The following TPM4 variants were observed in gnomAD, a reference collection of about 807,000 sequenced individuals.
The protein encoded by TPM4 is tropomyosin 4.
In TPM4, 17 loss-of-function variants were observed where a neutral mutation model predicts 35.8. The ratio of observed to expected loss-of-function variants is 0.47; its 90% CI spans 0.32 to 0.71. The LOEUF (loss-of-function observed/expected upper bound fraction) is 0.71, where lower values mean the gene tolerates loss of function less well. Among genes scored for constraint, TPM4 ranks in the 30% least tolerant of loss-of-function variants. TPM4 has a pLI of 0.03. For missense variants in TPM4, 240 were observed against 320.9 expected, an observed-to-expected ratio of 0.75 and a Z score of 1.93; for synonymous variants, 120 against 122.9, an observed-to-expected ratio of 0.98 and a Z score of 0.15.
rs2090769932 is a variant in TPM4 at position 16,102,216 on chromosome 19, GTAGTCCCAGC to G, written c.*873_*882del. On this transcript the variant is annotated 3_prime_UTR_variant, in exon 8 of 8. Coordinates refer to ENST00000643579, the MANE Select transcript of TPM4 (RefSeq NM_003290.3). ...ACAAAAATTATGGTGACGCCTGCCTGTAGTCCCAGCTACTCGGGAGGCTGAGGCAGGAGGA... is the reference window on the plus strand; with the variant it reads ...ACAAAAATTATGGTGACGCCTGCCTGTACTCGGGAGGCTGAGGCAGGAGGA... The G allele has an allele frequency of 5.3e-6, 1 of 186,980 alleles. No individual in the cohort carries two copies. The highest frequency in any genetic ancestry group is 6.2e-5 in the Admixed American group (1 of 16,138). 11.6% of individuals were successfully genotyped at this position (186,980 alleles called of 1,614,324 possible). A position where few individuals can be genotyped will look rare whatever the true frequency, so the allele number is the denominator to read the frequency against.
Position 16,096,936 on chromosome 19 carries a change from CTTTTTTTT to C in TPM4, c.664+3210_664+3217del, listed in dbSNP as rs71178641. ...GGAATATGGAGAAAACAAGGTCACT[CTTTTTTTT>C]TTTTTTTTTTTTTTTTTTTTTTTTT... On this transcript the variant is annotated intron_variant, in intron 7 of 7. Transcript: ENST00000643579. Among the ~76,000 whole-genome samples, 210 of 69,018 alleles carry C rather than the reference CTTTTTTTT, an allele frequency of 3.0e-3. 1 individual carries two copies. The highest frequency in any genetic ancestry group is 6.7e-3 in the East Asian group (19 of 2,838). 45.3% of individuals were successfully genotyped at this position (69,018 alleles called of 152,430 possible). A position where few individuals can be genotyped will look rare whatever the true frequency, so the allele number is the denominator to read the frequency against.
At chr19:16,083,172 C>T (rs1001939593) in intron 2 of TPM4, among the ~76,000 whole-genome samples, 4 of 151,898 alleles carry the variant, frequency 2.6e-5, no homozygotes, top group Non-Finnish European at 4.4e-5. Context: ...CACCAGGTGC[C>T]GTGGCTCACG....
At position 16,101,244 on chromosome 19, in the gene TPM4, A is replaced by AT; in HGVS notation, c.665-19dup. The AT allele has an allele frequency of 1.7e-5, 27 of 1,555,328 alleles. No homozygotes were observed. The highest frequency in any genetic ancestry group is 2.3e-5 in the Non-Finnish European group (27 of 1,153,062). On this transcript the variant is annotated intron_variant, in intron 7 of 7. Coordinates refer to ENST00000643579, the MANE Select transcript of TPM4 (RefSeq NM_003290.3). ...GACGCTTATTAATTTATCTTTCCCC[A>AT]TACTCTTAATCCTCACCAGAGAAAC...
chr19:16,076,721 C>G (rs971508363), intron 1 of TPM4, 24 bp downstream of exon 1: 40 of 1,315,938 alleles, frequency 3.0e-5, no homozygotes, highest in Non-Finnish European at 3.9e-5. Flanking sequence ...CCTCGGGCCC[C>G]GCACCCGCAG....
rs558304205 is a variant in TPM4, at chr19:16,091,286, A to G, written c.531+2166A>G. ...AGGCTCGTCTCAAACTCCTGACCTC[A>G]AGTGATCCACCCACCTCGGCCTCCC... is the stretch of plus-strand genomic sequence containing the variant. On this transcript the variant is annotated intron_variant, in intron 5 of 7. Coordinates refer to ENST00000643579, the MANE Select transcript of TPM4 (RefSeq NM_003290.3). Among the ~76,000 whole-genome samples, 27 of 152,088 alleles carry G rather than the reference A, an allele frequency of 1.8e-4. 1 individual carries two copies. In the South Asian group the frequency reaches 5.4e-3, roughly 30 times the overall value.
chr19:16,080,333 A>G (rs1432045842), intron 1 of TPM4: 1 of 207,464 alleles, frequency 4.8e-6, no homozygotes, highest in Non-Finnish European at 9.8e-6. Context: ...GTGAGGATGA[A>G]ATTGCAGTAA....
intron 7 of TPM4, chr19:16,095,731 A>G (rs1285715372): frequency 8.7e-6 from 3 of 345,800 alleles, no homozygotes; most frequent in Non-Finnish European, 1.2e-5. Context: ...AGCTAACGGC[A>G]TCTGCATGCC....
At chr19:16,081,075 G>C in intron 1 of TPM4, 1 of 398,498 alleles carries the variant, frequency 2.5e-6, no homozygotes, top group Non-Finnish European at 4.4e-6. Flanking sequence ...GTCCCACCTT[G>C]GTAATTGCAT....
intron 7 of TPM4, among the ~76,000 whole-genome samples, chr19:16,097,223 G>A (rs2090711886): frequency 6.6e-6 from 1 of 151,210 alleles, no homozygotes; most frequent in African/African-American, 2.4e-5. Flanking sequence ...AAAAATGCTG[G>A]GATTACAGGC....
At chr19:16,095,688 C>T (rs2144959282) in intron 7 of TPM4, 1 of 688,200 alleles carries the variant, frequency 1.5e-6, no homozygotes, top group African/African-American at 1.9e-5. Flanking sequence ...AAAACAAAAG[C>T]AAACTGGGCA....
chr19:16,102,099 C>T lies in TPM4; in HGVS notation c.*753C>T, dbSNP rs146864170. The T allele has an allele frequency of 1.2e-4, 24 of 198,722 alleles. No homozygotes were observed. The highest frequency in any genetic ancestry group is 5.5e-4 in the African/African-American group (24 of 43,478). The allele number at this position is 198,722 out of a possible 1,614,324, so 12.3% of individuals were successfully genotyped here. ...GGAGCGTTGGCTTTCGCCTGTAATCCCAACACTTTGGGAGGCCAGGACAGA... is the reference window on the plus strand; with the variant it reads ...GGAGCGTTGGCTTTCGCCTGTAATCTCAACACTTTGGGAGGCCAGGACAGA... On this transcript the variant is annotated 3_prime_UTR_variant, in exon 8 of 8. Transcript: ENST00000643579.
chr19:16,093,757 T>C lies in TPM4; in HGVS notation c.664+4T>C, dbSNP rs2090657366. The C allele has an allele frequency of 1.2e-6, 2 of 1,613,140 alleles. No individual in the cohort carries two copies. The highest frequency in any genetic ancestry group is 1.7e-6 in the Non-Finnish European group (2 of 1,180,000). ...AAGACAATTGATGACCTGGAAGGTA[T>C]GAGGTTACCATCTAAATGTTTGCCT... On this transcript the variant is annotated splice_donor_region_variant and intron_variant, in intron 7 of 7. Transcript: ENST00000643579.
At chr19:16,081,059 C>T (rs1187350778) in intron 1 of TPM4, 3 of 398,606 alleles carry the variant, frequency 7.5e-6, no homozygotes, top group African/African-American at 2.1e-5. Context: ...GAGGCTCCCC[C>T]GCCTCGTCCC....
intron 7 of TPM4, among the ~76,000 whole-genome samples, chr19:16,098,387 C>G (rs76498125): frequency 0.07 from 10,650 of 152,068 alleles, 458 homozygotes; most frequent in Middle Eastern, 0.095. Flanking sequence ...GCGGAGCTTG[C>G]TGTGAGCCAA....
chr19:16,087,715 G>C (rs535291420), intron 3 of TPM4, among the ~76,000 whole-genome samples: 1 of 151,572 alleles, frequency 6.6e-6, no homozygotes, highest in African/African-American at 2.4e-5. Flanking sequence ...ACCCCATCTC[G>C]ACTGAAAATA....
chr19:16,080,808 C>CAA, intron 1 of TPM4: 4 of 342,980 alleles, frequency 1.2e-5, no homozygotes, highest in Non-Finnish European at 1.0e-5. Context: ...GACTCCATCT[C>CAA]AAAAAAAAAA....
At chr19:16,079,559 G>C (rs531186201) in intron 1 of TPM4, among the ~76,000 whole-genome samples, 1 of 152,268 alleles carries the variant, frequency 6.6e-6, no homozygotes, top group African/African-American at 2.4e-5. Context: ...AACACCTGTG[G>C]GAGTGCCCTC....
intron 3 of TPM4, 40 bp from the exon 4 acceptor site, chr19:16,087,987 G>C: frequency 6.3e-7 from 1 of 1,587,440 alleles, no homozygotes; most frequent in South Asian, 1.1e-5. Context: ...GGACACGGCT[G>C]GTGGGGATCG....
At chr19:16,069,436 AATGAGTGTGTGT>A (rs2090331071) in intron 2 of TPM4, among the ~76,000 whole-genome samples, 3 of 17,474 alleles carry the variant, frequency 1.7e-4, no homozygotes, top group African/African-American at 5.1e-4. Flanking sequence ...TATGTGTGTG[AATGAGTGTGTGT>A]TTCTATTGGT....
Sources: gnomAD v4.1 joint callset for allele counts (sites outside exome capture counted in the v4.1 genomes callset) on GRCh38, gnomAD v4.1.1 for gene constraint, MANE v1.5 for transcripts, NCBI Gene and HGNC (gene_info 2026-07-23, HGNC 2026-07-21) for gene names.